Variants in ANKRD30BL observed in about 807,000 individuals in gnomAD.
The protein encoded by ANKRD30BL is ankyrin repeat domain 30B like.
Under a neutral mutation model 18.4 loss-of-function variants are expected in ANKRD30BL, and 20 were observed. The ratio of observed to expected loss-of-function variants is 1.09; its 90% CI spans 0.77 to 1.58. The LOEUF is 1.58. Ranked by LOEUF, ANKRD30BL falls within the 40% of genes most tolerant of loss-of-function variation. The pLI, the probability that ANKRD30BL is intolerant of heterozygous loss-of-function variation, is 0.00. For synonymous variants in ANKRD30BL, 72 were observed against 100.9 expected (o/e 0.71, Z 1.72); for missense variants, 224 against 268.6 (o/e 0.83, Z 1.16).
chr2:132,246,680 T>G (rs1373180920), intron 1 of ANKRD30BL, among the ~76,000 whole-genome samples: 1 of 152,032 alleles, frequency 6.6e-6, no homozygotes, highest in Non-Finnish European at 1.5e-5. Flanking sequence ...AACTTTTTTG[T>G]GATGCTTGCA....
chr2:132,254,062 G>A (rs544905397), intron 1 of ANKRD30BL, among the ~76,000 whole-genome samples: 1,970 of 141,438 alleles, frequency 0.014, 51 homozygotes, highest in African/African-American at 0.05. Flanking sequence ...AACCACCCCC[G>A]CGCCCACCGA....
At chr2:132,246,503 T>C (rs7582502) in intron 1 of ANKRD30BL, among the ~76,000 whole-genome samples, 4,819 of 151,922 alleles carry the variant, frequency 0.032, 265 homozygotes, top group African/African-American at 0.11. Context: ...TTCAGGAACT[T>C]CTTTGTGATG....
At chr2:132,229,081 G>A (rs549779422) in intron 1 of ANKRD30BL, among the ~76,000 whole-genome samples, 6,732 of 151,876 alleles carry the variant, frequency 0.044, 511 homozygotes, top group African/African-American at 0.15. Flanking sequence ...TTTGAAGGGC[G>A]TTCAGGCCTA....
upstream of ANKRD30BL, among the ~76,000 whole-genome samples, chr2:132,166,691 CT>C (rs1449113385): frequency 1.3e-5 from 2 of 152,132 alleles, no homozygotes; most frequent in Admixed American, 1.3e-4. Flanking sequence ...TTCATTCTCT[CT>C]TTTTTTCTTT....
rs1484804126 is a variant in ANKRD30BL, at chr2:132,244,889, A to G, written n.441+12640T>C. Among the ~76,000 whole-genome samples the G allele has an allele frequency of 2.6e-5, 4 of 152,302 alleles. No homozygotes were observed. In the South Asian group the frequency reaches 8.3e-4, roughly 31 times the overall value. On this transcript the variant is annotated intron_variant and non_coding_transcript_variant, in intron 1 of 4. Coordinates refer to the ANKRD30BL transcript ENST00000470729. ...CTTTTTGTAGTATCTGCAAGTGGAC[A>G]TTTGGAGCGCTTTGAGGCCTATGGT...
chr2:132,235,878 C>T (rs987797628), intron 1 of ANKRD30BL, among the ~76,000 whole-genome samples: 1 of 152,082 alleles, frequency 6.6e-6, no homozygotes, highest in African/African-American at 2.4e-5. Flanking sequence ...CCCGCATCAC[C>T]AAGTCAATCC....
intron 1 of ANKRD30BL, among the ~76,000 whole-genome samples, chr2:132,171,493 C>T (rs4386377): frequency 0.37 from 56,806 of 151,708 alleles, 10,831 homozygotes; most frequent in East Asian, 0.52. Flanking sequence ...CCATGAAGGA[C>T]ATTAATCAGT....
intron 1 of ANKRD30BL, among the ~76,000 whole-genome samples, chr2:132,198,276 C>G (rs193054984): frequency 0.089 from 3,004 of 33,662 alleles, 215 homozygotes; most frequent in African/African-American, 0.26. Context: ...TCTTTTCTTT[C>G]TTTCTTTCTT....
chr2:132,221,529 C>A (rs1200811588), intron 1 of ANKRD30BL, among the ~76,000 whole-genome samples: 2 of 130,834 alleles, frequency 1.5e-5, no homozygotes, highest in South Asian at 4.8e-4. Flanking sequence ...CCAGCCACCC[C>A]GTCCGGGAGG....
intron 1 of ANKRD30BL, among the ~76,000 whole-genome samples, chr2:132,192,249 C>G (rs1292898073): frequency 6.6e-6 from 1 of 152,118 alleles, no homozygotes; most frequent in Non-Finnish European, 1.5e-5. Flanking sequence ...GAGTGCAGGG[C>G]AGGACAGGGC....
chr2:132,163,825 A>G (rs1195629623), upstream of ANKRD30BL, among the ~76,000 whole-genome samples: 14 of 152,200 alleles, frequency 9.2e-5, no homozygotes, highest in Admixed American at 9.2e-4. Flanking sequence ...ACAAAAACCC[A>G]AGAATTGAAG....
intron 1 of ANKRD30BL, among the ~76,000 whole-genome samples, chr2:132,200,666 C>T (rs1260216009): frequency 2.0e-5 from 3 of 152,286 alleles, no homozygotes; most frequent in East Asian, 1.9e-4. Flanking sequence ...AATGGAAGAA[C>T]ATTCCATGCT....
intron 1 of ANKRD30BL, among the ~76,000 whole-genome samples, chr2:132,205,682 T>G (rs1391053658): frequency 6.6e-6 from 1 of 151,434 alleles, no homozygotes; most frequent in East Asian, 1.9e-4. Flanking sequence ...GGGCCAACAT[T>G]GAGTGGTCTT....
At chr2:132,255,993 C>T (rs933331284) in intron 1 of ANKRD30BL, among the ~76,000 whole-genome samples, 68 of 152,340 alleles carry the variant, frequency 4.5e-4, no homozygotes, top group Non-Finnish European at 9.6e-4. Context: ...CGCATCTTCC[C>T]TGTGAAGGGG....
intron 1 of ANKRD30BL, among the ~76,000 whole-genome samples, chr2:132,182,087 C>T (rs964381786): frequency 1.3e-5 from 2 of 151,352 alleles, no homozygotes; most frequent in African/African-American, 4.9e-5. Flanking sequence ...GCACTCTAGC[C>T]TGGGCAACAG....
At chr2:132,217,742 C>T (rs549359132) in intron 1 of ANKRD30BL, among the ~76,000 whole-genome samples, 3 of 152,298 alleles carry the variant, frequency 2.0e-5, no homozygotes, top group Non-Finnish European at 1.5e-5. Flanking sequence ...GATATTTCAA[C>T]CAGTTTGAGG....
intron 1 of ANKRD30BL, among the ~76,000 whole-genome samples, chr2:132,231,111 A>G (rs1453185776): frequency 6.7e-6 from 1 of 149,640 alleles, no homozygotes; most frequent in East Asian, 2.0e-4. Context: ...TCTGCAAGTG[A>G]ACATTTGGAG....
In ANKRD30BL at chr2:132,182,883, G is replaced by A. The variant is rs189117781; in HGVS notation, n.442-25737C>T. Among the ~76,000 whole-genome samples, 219 of 151,960 alleles carry A rather than the reference G, an allele frequency of 1.4e-3. 2 individuals carry two copies. The highest frequency in any genetic ancestry group is 5.0e-3 in the African/African-American group (208 of 41,444). Reference sequence around the variant, plus strand: ...GAGTGAATGACATAGAACCCCGACAGATAAATTAATATGTTAAAATTAAAA... The same window carrying A: ...GAGTGAATGACATAGAACCCCGACAAATAAATTAATATGTTAAAATTAAAA... On this transcript the variant is annotated intron_variant and non_coding_transcript_variant, in intron 1 of 4. Coordinates refer to the ANKRD30BL transcript ENST00000470729.
Position 132,235,200 on chromosome 2 carries a change from A to T in ANKRD30BL, n.441+22329T>A, listed in dbSNP as rs918039726. On this transcript the variant is annotated intron_variant and non_coding_transcript_variant, in intron 1 of 4. Transcript: ENST00000470729. Reference sequence around the variant, plus strand: ...ATGGGACATATTTCAAAATAATAAGAGCTATCTATGACAAACCCACAGCCA... The same window carrying T: ...ATGGGACATATTTCAAAATAATAAGTGCTATCTATGACAAACCCACAGCCA... Among the ~76,000 whole-genome samples the T allele has an allele frequency of 1.2e-3, 179 of 152,272 alleles. 2 individuals carry two copies. Among genetic ancestry groups the T allele is most frequent in the African/African-American group, 4.0e-3 (168 of 41,562 alleles).
Sources: gnomAD v4.1 joint callset for allele counts (sites outside exome capture counted in the v4.1 genomes callset) on GRCh38, gnomAD v4.1.1 for gene constraint, MANE v1.5 for transcripts, NCBI Gene and HGNC (gene_info 2026-07-23, HGNC 2026-07-21) for gene names.